CNTNAP2: variants seen among roughly 807,000 people sequenced by gnomAD.
CNTNAP2 encodes the protein contactin associated protein 2.
Under a neutral mutation model 155.2 loss-of-function variants are expected in CNTNAP2, and 98 were observed. The ratio of observed to expected loss-of-function variants is 0.63; its 90% CI spans 0.54 to 0.75. The LOEUF is 0.75. Ranked by LOEUF, CNTNAP2 falls within the 30% of genes least tolerant of loss-of-function variation. CNTNAP2 has a pLI of 0.00. For synonymous variants in CNTNAP2, 651 were observed against 631.2 expected, an observed-to-expected ratio of 1.03 and a Z score of -0.47; for missense variants, 1,727 against 1,688.1, an observed-to-expected ratio of 1.02 and a Z score of -0.40.
intron 1 of CNTNAP2, among the ~76,000 whole-genome samples, chr7:146,265,792 C>A (rs1799985634): frequency 6.6e-6 from 1 of 152,094 alleles, no homozygotes; most frequent in Non-Finnish European, 1.5e-5. Flanking sequence ...ATACTGAATT[C>A]AGTGCAATTT....
At chr7:147,594,301 A>G (rs1371725524) in intron 12 of CNTNAP2, among the ~76,000 whole-genome samples, 2 of 151,796 alleles carry the variant, frequency 1.3e-5, no homozygotes, top group African/African-American at 2.4e-5. Flanking sequence ...ACCCTCTGGT[A>G]TCTTGGGTTT....
intron 1 of CNTNAP2, among the ~76,000 whole-genome samples, chr7:146,570,286 T>A (rs1201269099): frequency 6.6e-6 from 1 of 152,102 alleles, no homozygotes; most frequent in African/African-American, 2.4e-5. Context: ...TAATGTAATA[T>A]ATAACTTTCT....
intron 8 of CNTNAP2, among the ~76,000 whole-genome samples, chr7:147,214,440 C>A (rs112559603): frequency 3.1e-4 from 47 of 152,028 alleles, no homozygotes; most frequent in African/African-American, 1.1e-3. Context: ...ATATTTTCTA[C>A]CTTATATGAT....
chr7:147,913,415 C>T (rs181663431), intron 14 of CNTNAP2, among the ~76,000 whole-genome samples: 2 of 152,252 alleles, frequency 1.3e-5, no homozygotes, highest in Non-Finnish European at 2.9e-5. Flanking sequence ...TCAGTGACAA[C>T]ACTGGAAATC....
intron 1 of CNTNAP2, among the ~76,000 whole-genome samples, chr7:146,567,878 G>A (rs925906555): frequency 1.9e-4 from 29 of 152,058 alleles, no homozygotes; most frequent in Non-Finnish European, 3.2e-4. Flanking sequence ...CCGCCACCAC[G>A]CCTGGCTAAT....
intron 1 of CNTNAP2, among the ~76,000 whole-genome samples, chr7:146,665,437 A>C (rs1427958224): frequency 2.0e-5 from 3 of 146,766 alleles, no homozygotes; most frequent in African/African-American, 7.7e-5. Flanking sequence ...GTAATTTAGA[A>C]GTCTGTTCTG....
chr7:147,913,075 G>GAGAAGGTAAA (rs1800095898), intron 14 of CNTNAP2, among the ~76,000 whole-genome samples: 3 of 152,210 alleles, frequency 2.0e-5, no homozygotes, highest in Admixed American at 6.5e-5. Context: ...ATAAAGAGAA[G>GAGAAGGTAAA]AGAAGGTAAA....
intron 1 of CNTNAP2, among the ~76,000 whole-genome samples, chr7:146,615,532 A>T (rs2129154962): frequency 6.6e-6 from 1 of 152,322 alleles, no homozygotes; most frequent in African/African-American, 2.4e-5. Flanking sequence ...CAATGAAATA[A>T]TTGGTTGCAG....
At chr7:148,339,060 A>T (rs7788444) in intron 21 of CNTNAP2, among the ~76,000 whole-genome samples, 39,655 of 152,076 alleles carry the variant, frequency 0.26, 5,482 homozygotes, top group African/African-American at 0.34. Flanking sequence ...TCTCTCTGCC[A>T]ATAGCATCAA....
chr7:147,575,510 A>C (rs2373102), intron 12 of CNTNAP2, among the ~76,000 whole-genome samples: 98,970 of 135,756 alleles, frequency 0.73, 34,769 homozygotes, highest in African/African-American at 0.83. Flanking sequence ...GGGGTATACA[A>C]CTGTGTGTGT....
chr7:147,536,625 A>G (rs776794779), intron 11 of CNTNAP2, among the ~76,000 whole-genome samples: 3 of 152,120 alleles, frequency 2.0e-5, no homozygotes, highest in African/African-American at 4.8e-5. Context: ...AAATCTTTGG[A>G]CATCTACTTC....
At chr7:147,378,937 T>C (rs2116928148) in intron 9 of CNTNAP2, among the ~76,000 whole-genome samples, 1 of 152,160 alleles carries the variant, frequency 6.6e-6, no homozygotes, top group East Asian at 1.9e-4. Context: ...CTACATGTCG[T>C]GGGAGGGACC....
chr7:146,853,090 G>A (rs1338777212), intron 3 of CNTNAP2, among the ~76,000 whole-genome samples: 1 of 152,080 alleles, frequency 6.6e-6, no homozygotes, highest in Non-Finnish European at 1.5e-5. Flanking sequence ...AAAGAAACCA[G>A]ACCAATACAA....
intron 15 of CNTNAP2, among the ~76,000 whole-genome samples, chr7:148,074,666 C>A (rs1049229278): frequency 1.2e-3 from 172 of 146,280 alleles, no homozygotes; most frequent in Middle Eastern, 6.9e-3. Context: ...CCAGCCGGGG[C>A]AAAAGAGCAA....
chr7:146,323,517 C>T (rs1025949302), intron 1 of CNTNAP2, among the ~76,000 whole-genome samples: 16 of 152,058 alleles, frequency 1.1e-4, no homozygotes, highest in Non-Finnish European at 2.1e-4. Flanking sequence ...ACAAACAAAA[C>T]TGTGAGAGTG....
intron 4 of CNTNAP2, among the ~76,000 whole-genome samples, chr7:147,055,385 C>T (rs1437126936): frequency 6.6e-6 from 1 of 152,172 alleles, no homozygotes; most frequent in African/African-American, 2.4e-5. Flanking sequence ...CCAGAGAGCA[C>T]ATGTCTGATG....
At chr7:148,043,374 AT>A (rs1414589707) in intron 15 of CNTNAP2, among the ~76,000 whole-genome samples, 2 of 152,186 alleles carry the variant, frequency 1.3e-5, no homozygotes, top group Admixed American at 1.3e-4. Flanking sequence ...CATATTCTTG[AT>A]ATACGAAACA....
intron 1 of CNTNAP2, among the ~76,000 whole-genome samples, chr7:146,154,713 GAGATGCCACTGGACCTGC>G (rs1242653664): frequency 6.6e-6 from 1 of 152,176 alleles, no homozygotes; most frequent in Non-Finnish European, 1.5e-5. Context: ...TGACAGCTCA[GAGATGCCACTGGACCTGC>G]CTCATCAGCT....
chr7:147,340,092 T>C (rs1252108620), intron 9 of CNTNAP2, among the ~76,000 whole-genome samples: 1 of 152,086 alleles, frequency 6.6e-6, no homozygotes, highest in African/African-American at 2.4e-5. Flanking sequence ...GATCCTTTTC[T>C]AGCCTGCATT....
Sources: allele counts gnomAD v4.1 joint callset (sites outside exome capture counted in the v4.1 genomes callset), GRCh38; gene constraint gnomAD v4.1.1; transcripts MANE v1.5; gene names NCBI Gene and HGNC (gene_info 2026-07-23, HGNC 2026-07-21).